The following XYLT2 variants were observed in gnomAD, a reference collection of about 807,000 sequenced individuals.
The protein encoded by XYLT2 is xylosyltransferase 2.
XYLT2 carries 37 observed loss-of-function variants against 82.6 expected under a neutral mutation model. That is an observed-to-expected ratio of 0.45 (90% CI 0.34 to 0.59). The LOEUF (loss-of-function observed/expected upper bound fraction) is 0.59. Ranked by LOEUF, XYLT2 falls within the 20% of genes least tolerant of loss-of-function variation. The pLI, the probability that XYLT2 is intolerant of heterozygous loss-of-function variation, is 0.01. For synonymous variants in XYLT2, 474 were observed against 499.0 expected (o/e 0.95, Z 0.67); for missense variants, 934 against 1,181.3 (o/e 0.79, Z 3.07).
chr17:50,358,623 C>G, intron 10 of XYLT2, 83 bp downstream of exon 10: 1 of 1,373,826 alleles, frequency 7.3e-7, no homozygotes, highest in Non-Finnish European at 9.8e-7. Context: ...AGCCAACCAT[C>G]AGAGCTGACT....
chr17:50,357,191 C>G lies in XYLT2; in HGVS notation c.1880C>G (p.Pro627Arg). 3 of 1,611,584 alleles carry G rather than the reference C, an allele frequency of 1.9e-6. No homozygotes were observed. Among genetic ancestry groups the G allele is most frequent in the Non-Finnish European group, 2.5e-6 (3 of 1,179,746 alleles). Residue 627 changes from proline (P) to arginine (R), a missense_variant, in exon 9 of 11, where the codon CCC (proline) becomes CGC (arginine). By Grantham distance (103) the Pro-to-Arg change is moderately radical. Coordinates refer to ENST00000017003, the MANE Select transcript of XYLT2 (RefSeq NM_022167.4). ...GAGACGCTTGAGATGTGGCTGATGC[C>G]CCAAGGGTCGCTGAAGCTGTTGGGG... ...PAETLEMWLM[P>R]QGSLKLLGRS...
chr17:50,359,282 A>G (rs1414169203), intron 10 of XYLT2: 2 of 152,534 alleles, frequency 1.3e-5, no homozygotes, highest in Non-Finnish European at 2.9e-5. Context: ...GGGAGGGCCT[A>G]GTATAAGTAA....
At position 50,346,389 on chromosome 17, in the gene XYLT2, C is replaced by A. The variant is rs1912042174; in HGVS notation, c.135+114C>A. On this transcript the variant is annotated intron_variant, in intron 1 of 10. Coordinates refer to ENST00000017003, the MANE Select transcript of XYLT2 (RefSeq NM_022167.4). This position sits in a 1 kb window ranked among gnomAD's most constrained non-coding sequence, Gnocchi z 5.1. ...GGGGCACGGGCCGCGTGCGTGCGTG[C>A]GGGGCGCCGGCGGTCGCCCAGAGCG... is the stretch of plus-strand genomic sequence containing the variant. 1.0e-6 allele frequency: 1 copy of A among 973,204 alleles called. No homozygotes were observed. Among genetic ancestry groups the A allele is most frequent in the Non-Finnish European group, 1.2e-6 (1 of 818,250 alleles). 60.3% of individuals were successfully genotyped at this position (973,204 alleles called of 1,614,324 possible).
chr17:50,355,366 C>T (rs1912474231), intron 4 of XYLT2, 135 bp from the exon 5 acceptor site: 1 of 963,018 alleles, frequency 1.0e-6, no homozygotes, highest in Admixed American at 2.1e-5. Context: ...GTGCTCACCA[C>T]CCCAGACATC....
chr17:50,358,170 C>T, intron 9 of XYLT2, 37 bp from the exon 10 acceptor site: 1 of 1,525,082 alleles, frequency 6.6e-7, no homozygotes, highest in Non-Finnish European at 8.8e-7. Context: ...AAGGACCTTT[C>T]CCCCACACTC....
rs1188722748 is a variant in XYLT2, at chr17:50,346,478, C to G, written c.135+203C>G. On this transcript the variant is annotated intron_variant, in intron 1 of 10. Coordinates refer to ENST00000017003, the MANE Select transcript of XYLT2 (RefSeq NM_022167.4). The surrounding 1 kb of genome is among the most constrained non-coding windows in gnomAD (Gnocchi z 5.1). ...TAGGGAGCTGCGCGCGGGGGCAGTG[C>G]GTGACCTGGAGACCCGGGCCCTGGT... 9.6e-6 allele frequency: 8 copies of G among 833,324 alleles called. No individual in the cohort carries two copies. The highest frequency in any genetic ancestry group is 1.2e-5 in the Non-Finnish European group (8 of 691,176). 51.6% of individuals were successfully genotyped at this position (833,324 alleles called of 1,614,324 possible).
Position 50,355,573 on chromosome 17 carries a change from CA to C in XYLT2, c.1082del (p.Asn361ThrfsTer44), listed in dbSNP as rs1289536405. On this transcript the variant is annotated frameshift_variant, in exon 5 of 11. Transcript: ENST00000017003. LOFTEE classifies it high-confidence loss of function. ...KNFLKSHGRD[N>X]SRFIKKQGLD... is the part of the protein sequence containing the mutation. Reference sequence around the variant, plus strand: ...ATTTCCTCAAGTCACATGGCCGGGACAACTCCAGGTGAGGGGGTGGGGAAGG... The same window carrying C: ...ATTTCCTCAAGTCACATGGCCGGGACACTCCAGGTGAGGGGGTGGGGAAGG... 6.2e-7 allele frequency: 1 copy of C among 1,613,964 alleles called. No individual in the cohort carries two copies. Among genetic ancestry groups the C allele is most frequent in the Non-Finnish European group, 8.5e-7 (1 of 1,179,996 alleles).
rs1034744068 is a variant in XYLT2, at chr17:50,346,671, AT to A, written c.135+397del. On this transcript the variant is annotated intron_variant, in intron 1 of 10. Transcript: ENST00000017003. This position sits in a 1 kb window ranked among gnomAD's most constrained non-coding sequence, Gnocchi z 5.1. ...TTTCTGAAGTTGGGAGGGGGCGGGG[AT>A]ATGCGCGCCGTGGGCGGAGGAGTAG... 31 of 985,096 alleles carry A rather than the reference AT, an allele frequency of 3.1e-5. No individual in the cohort carries two copies. Among genetic ancestry groups the A allele is most frequent in the Non-Finnish European group, 3.7e-5 (31 of 829,832 alleles). The allele number at this position is 985,096 out of a possible 1,614,324, so 61.0% of individuals were successfully genotyped here. A position where few individuals can be genotyped will look rare whatever the true frequency, so the allele number is the denominator to read the frequency against.
In XYLT2 at chr17:50,358,208, T is replaced by C. The variant is rs1312665970; in HGVS notation, c.1943T>C (p.Val648Ala). The C allele has an allele frequency of 6.3e-7, 1 of 1,598,018 alleles. No homozygotes were observed. Among genetic ancestry groups the C allele is most frequent in the South Asian group, 1.1e-5 (1 of 88,898 alleles). ...GCCCAGCTGCCTCTCTCTCTACAGG[T>C]TGGCACTGATTGGGACCCCAAAGAG... ...DQASRLQSLEVGTDWDPKERL... is the reference protein window; with the variant it reads ...DQASRLQSLEAGTDWDPKERL... Residue 648 changes from valine (V) to alanine (A), a missense_variant and splice_region_variant, in exon 10 of 11, where the codon GTT (valine) becomes GCT (alanine). Coordinates refer to ENST00000017003, the MANE Select transcript of XYLT2 (RefSeq NM_022167.4).
rs777120321 is a variant in XYLT2 at position 50,354,861 on chromosome 17, A to C, written c.812A>C (p.Asp271Ala). The change falls in exon 4 of 11, where the codon GAC becomes GCC. Residue 271 changes from aspartate to alanine, a missense_variant. Coordinates refer to ENST00000017003, the MANE Select transcript of XYLT2 (RefSeq NM_022167.4). ...FFYIHVDKRS[D>A]YLHREVVELA... Reference sequence around the variant, plus strand: ...GTGTCTCCTCCCCACCAGCGTTCCGACTACCTGCACCGGGAGGTGGTGGAG... The same window carrying C: ...GTGTCTCCTCCCCACCAGCGTTCCGCCTACCTGCACCGGGAGGTGGTGGAG... 2.5e-6 allele frequency: 4 copies of C among 1,613,336 alleles called. No homozygotes were observed. Among genetic ancestry groups the C allele is most frequent in the Non-Finnish European group, 3.4e-6 (4 of 1,179,878 alleles).
chr17:50,354,193 CT>C (rs1024424013), intron 2 of XYLT2, 71 bp downstream of exon 2: 2 of 1,588,330 alleles, frequency 1.3e-6, no homozygotes, highest in African/African-American at 1.3e-5. Flanking sequence ...ATCCTCACCC[CT>C]ATCTCTCTGA....
Position 50,356,116 on chromosome 17 carries a change from T to C in XYLT2, c.1337T>C (p.Leu446Pro), listed in dbSNP as rs754679651. ...TTCCACACGGTGCTGGAGAACAGCC[T>C]GGCCTGTGAGACCCTCGTGGACAAC... ...SFFHTVLENS[L>P]ACETLVDNNL... The change falls in exon 7 of 11, where the codon CTG becomes CCG. Residue 446 changes from leucine (L) to proline (P), a missense_variant. Leu to Pro is a moderately conservative substitution (Grantham distance 98, BLOSUM62 -3). Transcript: ENST00000017003. The C allele has an allele frequency of 9.9e-6, 16 of 1,614,220 alleles. No homozygotes were observed. Among genetic ancestry groups the C allele is most frequent in the Admixed American group, 1.7e-5 (1 of 60,030 alleles).
chr17:50,358,372 A>G lies in XYLT2; in HGVS notation c.2107A>G (p.Ile703Val), dbSNP rs369278935. The change falls in exon 10 of 11, where the codon ATC (isoleucine) becomes GTC (valine). Residue 703 changes from isoleucine (I) to valine (V), a missense_variant. Around this residue, in one of 3 missense-constraint regions of XYLT2, gnomAD observed 374 missense variants for 465.6 expected, o/e 0.80. Transcript: ENST00000017003. Reference protein sequence around the residue: ...PTYVVATSYDITVDTETEVTQ... With the variant: ...PTYVVATSYDVTVDTETEVTQ... ...CTATGTGGTGGCCACATCTTATGACATCACAGTAGATACGGAGACTGAGGT... is the reference window on the plus strand; with the variant it reads ...CTATGTGGTGGCCACATCTTATGACGTCACAGTAGATACGGAGACTGAGGT... 3 of 1,614,060 alleles carry G rather than the reference A, an allele frequency of 1.9e-6. No homozygotes were observed. The highest frequency in any genetic ancestry group is 2.5e-6 in the Non-Finnish European group (3 of 1,180,026).
rs1598354411 is a variant in XYLT2, at chr17:50,360,700, G to T, written c.*409G>T. On this transcript the variant is annotated 3_prime_UTR_variant, in exon 11 of 11. Coordinates refer to ENST00000017003, the MANE Select transcript of XYLT2 (RefSeq NM_022167.4). The stretch of plus-strand genomic sequence containing the variant: ...CCATGTCTGTGGGGAGCAGGGGCTT[G>T]CTGAGCCCACCTGCTATTGTTCTGC... The T allele has an allele frequency of 1.0e-6, 1 of 993,582 alleles. No homozygotes were observed. The highest frequency in any genetic ancestry group is 1.2e-6 in the Non-Finnish European group (1 of 835,698). The allele number at this position is 993,582 out of a possible 1,614,324, so 61.5% of individuals were successfully genotyped here.
intron 1 of XYLT2, 95 bp from the exon 2 acceptor site, chr17:50,353,535 A>G: frequency 6.7e-7 from 1 of 1,496,926 alleles, no homozygotes; most frequent in Non-Finnish European, 8.9e-7. Flanking sequence ...GGGCAGGAAC[A>G]TCTAGGTCTG....
intron 8 of XYLT2, 78 bp from the exon 9 acceptor site, chr17:50,356,979 C>G (rs1175574670): frequency 4.9e-5 from 73 of 1,504,892 alleles, no homozygotes; most frequent in Non-Finnish European, 6.4e-5. Flanking sequence ...ATGGGACTCC[C>G]CAGAGCCCCC....
At chr17:50,356,980 C>G in intron 8 of XYLT2, 77 bp from the exon 9 acceptor site, 1 of 1,504,070 alleles carries the variant, frequency 6.6e-7, no homozygotes, top group South Asian at 1.3e-5. Flanking sequence ...TGGGACTCCC[C>G]AGAGCCCCCT....
At chr17:50,359,816 A>G (rs934405257) in intron 10 of XYLT2, 153 bp from the exon 11 acceptor site, 6 of 674,696 alleles carry the variant, frequency 8.9e-6, no homozygotes, top group Non-Finnish European at 1.5e-5. Flanking sequence ...ATAGGCACAG[A>G]AAGTCCCTTG....
chr17:50,359,703 C>T, intron 10 of XYLT2: 1 of 490,106 alleles, frequency 2.0e-6, no homozygotes, highest in South Asian at 2.8e-5. Flanking sequence ...GGGACACAAA[C>T]CAGACTGTTC....
Sources: allele counts gnomAD v4.1 joint callset, GRCh38; gene constraint gnomAD v4.1.1; regional missense constraint gnomAD v4.1.1; non-coding constraint Gnocchi (gnomAD v3.1); transcripts MANE v1.5; gene names NCBI Gene and HGNC (gene_info 2026-07-23, HGNC 2026-07-21).